The following UBAC2 variants were observed in gnomAD, a reference collection of about 807,000 sequenced individuals.
UBAC2 encodes ubiquitin-associated domain-containing protein 2.
UBAC2 carries 26 observed loss-of-function variants against 44.0 expected under a neutral mutation model. The observed-to-expected ratio is 0.59, with a 90% CI of 0.43 to 0.82. The LOEUF (loss-of-function observed/expected upper bound fraction) is 0.82, where lower values mean the gene tolerates loss of function less well. UBAC2 is among the 40% of genes least tolerant of loss of function. The pLI is 0.00. For missense variants in UBAC2, 329 were observed against 419.4 expected (o/e 0.78, Z 1.88); for synonymous variants, 155 against 154.3 (o/e 1.00, Z -0.04).
At chr13:99,263,230 A>G (rs1001880222) in intron 4 of UBAC2, among the ~76,000 whole-genome samples, 1 of 152,204 alleles carries the variant, frequency 6.6e-6, no homozygotes, top group Non-Finnish European at 1.5e-5. Context: ...CCATCTTTTT[A>G]TCTCCCTGTT....
chr13:99,384,538 C>T (rs2045593280), intron 8 of UBAC2, among the ~76,000 whole-genome samples: 1 of 152,270 alleles, frequency 6.6e-6, no homozygotes, highest in African/African-American at 2.4e-5. Flanking sequence ...CTCCCTGCTT[C>T]TGGTGGCTTT....
chr13:99,298,184 T>G (rs955104321), intron 4 of UBAC2, among the ~76,000 whole-genome samples: 1 of 152,152 alleles, frequency 6.6e-6, no homozygotes, highest in African/African-American at 2.4e-5. Flanking sequence ...ACTTATTTAC[T>G]CAACATGATT....
At chr13:99,201,669 G>C in intron 1 of UBAC2, 10 of 1,275,248 alleles carry the variant, frequency 7.8e-6, no homozygotes, top group Non-Finnish European at 1.1e-5. Flanking sequence ...AGTTAGGCAC[G>C]GGTACAGCAA....
chr13:99,381,377 A>G (rs1229074666), intron 8 of UBAC2, among the ~76,000 whole-genome samples: 3 of 152,236 alleles, frequency 2.0e-5, no homozygotes, highest in Admixed American at 2.0e-4. Context: ...CAGATCTCCA[A>G]ATTGCTGAGT....
chr13:99,241,412 T>C (rs1054194932), intron 2 of UBAC2, among the ~76,000 whole-genome samples: 3 of 152,186 alleles, frequency 2.0e-5, no homozygotes, highest in African/African-American at 7.2e-5. Flanking sequence ...AGAATATTAT[T>C]CAACTATAAA....
chr13:99,354,256 TG>T (rs904682150), intron 7 of UBAC2, among the ~76,000 whole-genome samples: 10 of 152,212 alleles, frequency 6.6e-5, no homozygotes, highest in Admixed American at 6.5e-4. Context: ...CCGGGTGACA[TG>T]GGGGTGTCAA....
Position 99,318,036 on chromosome 13 carries a change from T to C in UBAC2, c.528T>C (p.Gly176=). The part of the protein sequence containing the change: ...YILGLQLFTS[G]SYIWIVAISG... The stretch of plus-strand genomic sequence containing the variant: ...TTCTTTTATAGCTTTTCACCTCTGG[T>C]TCCTACATCTGGATTGTAGCCATAA... Residue 176 remains glycine, a synonymous_variant, in exon 6 of 9, where the codon GGT becomes GGC. Coordinates refer to ENST00000403766, the MANE Select transcript of UBAC2 (RefSeq NM_001144072.2). 6.2e-7 allele frequency: 1 copy of C among 1,611,878 alleles called. No individual in the cohort carries two copies. The highest frequency in any genetic ancestry group is 1.1e-5 in the South Asian group (1 of 90,152).
intron 7 of UBAC2, among the ~76,000 whole-genome samples, chr13:99,348,854 AT>A (rs888041483): frequency 6.6e-6 from 1 of 152,184 alleles, no homozygotes; most frequent in Non-Finnish European, 1.5e-5. Flanking sequence ...CTACAAAAAA[AT>A]TTTTTAAATC....
chr13:99,361,602 A>G (rs190479482), intron 7 of UBAC2, among the ~76,000 whole-genome samples: 1 of 152,220 alleles, frequency 6.6e-6, no homozygotes, highest in East Asian at 1.9e-4. Flanking sequence ...GGGTTTCTCA[A>G]CCTAAACACC....
intron 1 of UBAC2, chr13:99,215,302 T>C (rs2042978965): frequency 1.3e-6 from 1 of 765,572 alleles, no homozygotes; most frequent in African/African-American, 1.7e-5. Context: ...TATAGTCCAC[T>C]GGCATCACCA....
At chr13:99,245,373 TA>T (rs1421908215) in intron 4 of UBAC2, among the ~76,000 whole-genome samples, 2 of 152,188 alleles carry the variant, frequency 1.3e-5, no homozygotes, top group African/African-American at 2.4e-5. Context: ...CCATCAAACA[TA>T]AAACAAAGCC....
At chr13:99,348,042 C>T (rs73570115) in intron 7 of UBAC2, among the ~76,000 whole-genome samples, 307 of 152,280 alleles carry the variant, frequency 2.0e-3, no homozygotes, top group African/African-American at 7.1e-3. Flanking sequence ...CTGCCTTCTC[C>T]AAAGCAGGTG....
chr13:99,308,415 T>A (rs2044368060), intron 4 of UBAC2, among the ~76,000 whole-genome samples: 1 of 152,232 alleles, frequency 6.6e-6, no homozygotes, highest in Non-Finnish European at 1.5e-5. Flanking sequence ...TCAGTCTTCC[T>A]AACTCCAGAG....
At chr13:99,273,999 T>A (rs536102634) in intron 4 of UBAC2, among the ~76,000 whole-genome samples, 1 of 152,190 alleles carries the variant, frequency 6.6e-6, no homozygotes, top group Non-Finnish European at 1.5e-5. Flanking sequence ...GTATATATCT[T>A]GAGTCCAGAG....
chr13:99,230,941 CAG>C (rs1038560266), intron 1 of UBAC2, among the ~76,000 whole-genome samples: 1 of 151,980 alleles, frequency 6.6e-6, no homozygotes, highest in African/African-American at 2.4e-5. Context: ...CCCAGCTACT[CAG>C]GGGGCTGAGG....
intron 1 of UBAC2, among the ~76,000 whole-genome samples, chr13:99,213,146 A>G (rs1385863929): frequency 1.3e-5 from 2 of 152,180 alleles, no homozygotes; most frequent in Non-Finnish European, 2.9e-5. Context: ...ATGGCATTCA[A>G]ATACACATTT....
chr13:99,344,567 T>G (rs1482695909), intron 7 of UBAC2, among the ~76,000 whole-genome samples: 1 of 152,214 alleles, frequency 6.6e-6, no homozygotes, highest in Admixed American at 6.5e-5. Context: ...GAATCTGAGT[T>G]TATTTAGTCA....
At chr13:99,220,043 C>T (rs1369858325) in intron 1 of UBAC2, among the ~76,000 whole-genome samples, 1 of 152,018 alleles carries the variant, frequency 6.6e-6, no homozygotes, top group African/African-American at 2.4e-5. Flanking sequence ...AAAAAAAATC[C>T]TGTGTTTTCA....
chr13:99,360,146 G>A (rs1326669942), intron 7 of UBAC2, among the ~76,000 whole-genome samples: 1 of 152,184 alleles, frequency 6.6e-6, no homozygotes, highest in East Asian at 1.9e-4. Context: ...GTCAGCTCAG[G>A]CTGCAGTGAG....
Sources: allele counts gnomAD v4.1 joint callset (sites outside exome capture counted in the v4.1 genomes callset), GRCh38; gene constraint gnomAD v4.1.1; transcripts MANE v1.5; gene names NCBI Gene and HGNC (gene_info 2026-07-23, HGNC 2026-07-21).